ZHX2: variants seen among roughly 807,000 people sequenced by gnomAD.
The protein encoded by ZHX2 is zinc fingers and homeoboxes protein 2.
Under a neutral mutation model 21.9 loss-of-function variants are expected in ZHX2, and 6 were observed. The ratio of observed to expected loss-of-function variants is 0.27; its 90% confidence interval spans 0.15 to 0.54. The LOEUF is 0.54. Among genes scored for constraint, ZHX2 ranks in the 20% least tolerant of loss-of-function variants. ZHX2 has a pLI of 0.95. For missense variants in ZHX2, 908 were observed against 1,090.7 expected (o/e 0.83, Z 2.36); for synonymous variants, 434 against 437.1 (o/e 0.99, Z 0.09).
At chr8:122,949,260 T>C (rs538394260) in intron 2 of ZHX2, among the ~76,000 whole-genome samples, 54 of 152,116 alleles carry the variant, frequency 3.5e-4, no homozygotes, top group Non-Finnish European at 2.2e-4. Context: ...GAGGCAGAGA[T>C]TGCGGTAAGC....
chr8:122,853,513 A>C (rs987068090), intron 1 of ZHX2, among the ~76,000 whole-genome samples: 1 of 152,134 alleles, frequency 6.6e-6, no homozygotes, highest in Non-Finnish European at 1.5e-5. Context: ...CAAATTCCTC[A>C]GTGTGGTGTG....
rs79175219 is a variant in ZHX2, at chr8:122,884,452, G to C, written c.-220+20913G>C. The stretch of plus-strand genomic sequence containing the variant: ...GAACTGACAGTGCTGTGTCTCAGAA[G>C]AAAGTTCATTGGGGTGGAAAGAGGG... On this transcript the variant is annotated intron_variant, in intron 2 of 3. Transcript: ENST00000314393. Among the ~76,000 whole-genome samples the C allele has an allele frequency of 4.9e-3, 739 of 152,356 alleles. 7 individuals carry two copies. The highest frequency in any genetic ancestry group is 0.017 in the Middle Eastern group (5 of 294).
At chr8:122,944,504 A>C (rs528102029) in intron 2 of ZHX2, among the ~76,000 whole-genome samples, 1 of 152,236 alleles carries the variant, frequency 6.6e-6, no homozygotes, top group East Asian at 1.9e-4. Context: ...CAACATCCAC[A>C]CGTTCCACTG....
At chr8:122,807,862 A>G (rs1817853539) in intron 1 of ZHX2, 1 of 152,206 alleles carries the variant, frequency 6.6e-6, no homozygotes, top group Non-Finnish European at 1.5e-5. Flanking sequence ...CCCTAACTCT[A>G]GACACTGTCT....
At chr8:122,835,090 G>A (rs554122217) in intron 1 of ZHX2, among the ~76,000 whole-genome samples, 99 of 152,192 alleles carry the variant, frequency 6.5e-4, no homozygotes, top group African/African-American at 2.2e-3. Flanking sequence ...GGTCATGCCG[G>A]GTCAGTTCAT....
At position 122,923,003 on chromosome 8, in the gene ZHX2, G is replaced by C. The variant is rs1412208654; in HGVS notation, c.-219-28289G>C. Reference sequence around the variant, plus strand: ...CAGAGCCAACCAGGTGGCCCTATCAGGTGTGGACTCCACCTCAACCTGAGA... The same window carrying C: ...CAGAGCCAACCAGGTGGCCCTATCACGTGTGGACTCCACCTCAACCTGAGA... On this transcript the variant is annotated intron_variant, in intron 2 of 3. Transcript: ENST00000314393. 2.0e-5 allele frequency among the ~76,000 whole-genome samples: 3 copies of C among 152,182 alleles called. No homozygotes were observed. The East Asian group carries it at 5.8e-4, about 29-fold the overall frequency.
rs964916065 is a variant in ZHX2, at chr8:122,893,103, G to C, written c.-220+29564G>C. Among the ~76,000 whole-genome samples, 6 of 152,278 alleles carry C rather than the reference G, an allele frequency of 3.9e-5. 1 individual carries two copies. Among genetic ancestry groups the C allele is most frequent in the Middle Eastern group, 6.8e-3 (2 of 294 alleles). On this transcript the variant is annotated intron_variant, in intron 2 of 3. Coordinates refer to ENST00000314393, the MANE Select transcript of ZHX2 (RefSeq NM_014943.5). ...TAGCTTTGCTGGCTATGATATTCTT[G>C]AGTAGTTGGTTTTTGTTTTGTTTTT...
intron 1 of ZHX2, among the ~76,000 whole-genome samples, chr8:122,807,396 C>A (rs553428655): frequency 6.6e-6 from 1 of 152,210 alleles, no homozygotes; most frequent in South Asian, 2.1e-4. Flanking sequence ...TCAGGATTTC[C>A]AGACTGCATG....
rs1817309666 is a variant in ZHX2, at chr8:122,782,521, C to A, written c.-283+575C>A. Among the ~76,000 whole-genome samples the A allele has an allele frequency of 6.6e-6, 1 of 152,148 alleles. No individual in the cohort carries two copies. The highest frequency in any genetic ancestry group is 1.5e-5 in the Non-Finnish European group (1 of 67,992). ...TCTGCTCCCCTCCCTCCCCCTCTCCCCTCGCTCCCCTCTCCCGGTGACGAT... is the reference window on the plus strand; with the variant it reads ...TCTGCTCCCCTCCCTCCCCCTCTCCACTCGCTCCCCTCTCCCGGTGACGAT... On this transcript the variant is annotated intron_variant, in intron 1 of 3. Coordinates refer to ENST00000314393, the MANE Select transcript of ZHX2 (RefSeq NM_014943.5). This position sits in a 1 kb window ranked among gnomAD's most constrained non-coding sequence, Gnocchi z 5.3.
chr8:122,830,736 G>A (rs535035053), intron 1 of ZHX2, among the ~76,000 whole-genome samples: 3 of 152,280 alleles, frequency 2.0e-5, no homozygotes, highest in Non-Finnish European at 2.9e-5. Context: ...GGATTAAGGA[G>A]GGGAGGTAAT....
intron 1 of ZHX2, among the ~76,000 whole-genome samples, chr8:122,803,496 G>T (rs1403790080): frequency 6.6e-6 from 1 of 152,204 alleles, no homozygotes; most frequent in Non-Finnish European, 1.5e-5. Flanking sequence ...TTCGTGAAGG[G>T]CTGTCCTGTG....
intron 2 of ZHX2, among the ~76,000 whole-genome samples, chr8:122,897,805 G>A (rs745774542): frequency 1.3e-5 from 2 of 152,148 alleles, no homozygotes; most frequent in Non-Finnish European, 2.9e-5. Flanking sequence ...GGTTGGAAGT[G>A]GGGCTAAGAG....
chr8:122,957,405 C>T (rs1813334104), intron 3 of ZHX2, among the ~76,000 whole-genome samples: 1 of 151,914 alleles, frequency 6.6e-6, no homozygotes, highest in Non-Finnish European at 1.5e-5. Flanking sequence ...AGATCTGTTC[C>T]ACGTGTGGCA....
rs1813154736 is a variant in ZHX2 at position 122,952,653 on chromosome 8, G to A, written c.1143G>A (p.Val381=). Residue 381 remains valine (V), a synonymous_variant, in exon 3 of 4, where the codon GTG becomes GTA. Coordinates refer to ENST00000314393, the MANE Select transcript of ZHX2 (RefSeq NM_014943.5). This position sits in a 1 kb window ranked among gnomAD's most constrained non-coding sequence, Gnocchi z 6.9. ...LGQTSLVLTQ[V]TSGSTTVSCS... Reference sequence around the variant, plus strand: ...AGACTAGCCTGGTGCTGACTCAGGTGACCAGCGGGTCAACAACCGTCTCTT... The same window carrying A: ...AGACTAGCCTGGTGCTGACTCAGGTAACCAGCGGGTCAACAACCGTCTCTT... 1.9e-6 allele frequency: 3 copies of A among 1,614,040 alleles called. No homozygotes were observed. Among genetic ancestry groups the A allele is most frequent in the Non-Finnish European group, 2.5e-6 (3 of 1,180,038 alleles).
At position 122,858,052 on chromosome 8, in the gene ZHX2, A is replaced by T. The variant is rs964704719; in HGVS notation, c.-282-5425A>T. ...CTGGAACAAAGACAGGTCACTGAAGACTGCACTTCTGGCTTGTGGAGTGAG... is the reference window on the plus strand; with the variant it reads ...CTGGAACAAAGACAGGTCACTGAAGTCTGCACTTCTGGCTTGTGGAGTGAG... On this transcript the variant is annotated intron_variant, in intron 1 of 3. Coordinates refer to ENST00000314393, the MANE Select transcript of ZHX2 (RefSeq NM_014943.5). 7.2e-5 allele frequency among the ~76,000 whole-genome samples: 11 copies of T among 152,328 alleles called. No homozygotes were observed. The East Asian group carries it at 1.7e-3, about 24-fold the overall frequency.
At chr8:122,948,430 T>A (rs754853187) in intron 2 of ZHX2, among the ~76,000 whole-genome samples, 1 of 152,226 alleles carries the variant, frequency 6.6e-6, no homozygotes, top group Non-Finnish European at 1.5e-5. Context: ...TTCCAAATCA[T>A]CATTTGTTTA....
intron 1 of ZHX2, among the ~76,000 whole-genome samples, chr8:122,797,512 C>T (rs1485101203): frequency 1.3e-5 from 2 of 152,164 alleles, no homozygotes; most frequent in African/African-American, 2.4e-5. Flanking sequence ...TTTTCTCTTC[C>T]GCTCAGCAAG....
chr8:122,923,118 T>A (rs1031032914), intron 2 of ZHX2, among the ~76,000 whole-genome samples: 1 of 152,264 alleles, frequency 6.6e-6, no homozygotes, highest in African/African-American at 2.4e-5. Flanking sequence ...CTGGTTGATA[T>A]CTTGGGTCGG....
chr8:122,840,545 G>A (rs535369329), intron 1 of ZHX2, among the ~76,000 whole-genome samples: 77 of 152,224 alleles, frequency 5.1e-4, no homozygotes, highest in Non-Finnish European at 1.0e-3. Flanking sequence ...TACGTTAAAA[G>A]TGGCTTACAT....
Sources: gnomAD v4.1 joint callset for allele counts (sites outside exome capture counted in the v4.1 genomes callset) on GRCh38, gnomAD v4.1.1 for gene constraint, Gnocchi (gnomAD v3.1) non-coding constraint, MANE v1.5 for transcripts, NCBI Gene and HGNC (gene_info 2026-07-23, HGNC 2026-07-21) for gene names.